The following ASIC2 variants were observed in gnomAD, a reference collection of about 807,000 sequenced individuals.
ASIC2 encodes acid-sensing ion channel 2.
A neutral mutation model predicts 57.3 loss-of-function variants in ASIC2; 25 were observed. The ratio of observed to expected loss-of-function variants is 0.44; its 90% CI spans 0.32 to 0.61. ASIC2 has a LOEUF of 0.61. Ranked by LOEUF, ASIC2 falls within the 20% of genes least tolerant of loss-of-function variation. The pLI is 0.06. For missense variants in ASIC2, 641 were observed against 738.1 expected (o/e 0.87, Z 1.52); for synonymous variants, 319 against 307.5 (o/e 1.04, Z -0.39).
intron 1 of ASIC2, among the ~76,000 whole-genome samples, chr17:33,843,270 A>T (rs938751248): frequency 3.3e-5 from 5 of 152,212 alleles, no homozygotes; most frequent in African/African-American, 1.2e-4. Flanking sequence ...TAGGTGGTCA[A>T]TGAACATTGG....
rs1452944757 is a variant in ASIC2 at position 33,872,000 on chromosome 17, CCT to C, written c.555+283976_555+283977del. Among the ~76,000 whole-genome samples the C allele has an allele frequency of 3.3e-5, 5 of 152,108 alleles. No individual in the cohort carries two copies. In the East Asian group the frequency reaches 9.7e-4, roughly 29 times the overall value. On this transcript the variant is annotated intron_variant, in intron 1 of 9. Transcript: ENST00000359872. ...GATGAGCCATGCTGTTCTTGAGATCCCTCTCTCCTCCCACTTGCAGGCTCAGG... is the reference window on the plus strand; with the variant it reads ...GATGAGCCATGCTGTTCTTGAGATCCCTCTCCTCCCACTTGCAGGCTCAGG...
intron 1 of ASIC2, among the ~76,000 whole-genome samples, chr17:33,917,272 T>C (rs1276291723): frequency 2.0e-5 from 3 of 152,178 alleles, no homozygotes; most frequent in Non-Finnish European, 4.4e-5. Flanking sequence ...TTCTTGGGTG[T>C]CCCAACAGGG....
At chr17:33,414,074 G>T (rs1354490) in intron 1 of ASIC2, among the ~76,000 whole-genome samples, 126,002 of 152,156 alleles carry the variant, frequency 0.83, 52,347 homozygotes, top group East Asian at 0.98. Flanking sequence ...CTTAAGTCTT[G>T]TTCCCGCAGC....
chr17:33,740,477 GC>G (rs1307500783), intron 1 of ASIC2, among the ~76,000 whole-genome samples: 1 of 152,170 alleles, frequency 6.6e-6, no homozygotes, highest in Non-Finnish European at 1.5e-5. Context: ...TCTCGTGAGA[GC>G]TCACTATCAT....
intron 1 of ASIC2, among the ~76,000 whole-genome samples, chr17:33,258,879 A>G (rs1209657560): frequency 1.3e-5 from 2 of 152,222 alleles, no homozygotes; most frequent in Non-Finnish European, 2.9e-5. Flanking sequence ...ATTGCTATGA[A>G]CATGCACAGT....
chr17:33,765,903 A>G (rs1168597066), intron 1 of ASIC2, among the ~76,000 whole-genome samples: 2 of 152,174 alleles, frequency 1.3e-5, no homozygotes, highest in Non-Finnish European at 2.9e-5. Context: ...TTCCCCATGC[A>G]GTATCTTATG....
intron 1 of ASIC2, among the ~76,000 whole-genome samples, chr17:33,653,132 G>T (rs749234895): frequency 6.6e-6 from 1 of 152,186 alleles, no homozygotes; most frequent in Admixed American, 6.5e-5. Context: ...AGCTTTATTC[G>T]AATGGCTGGA....
At position 33,013,998 on chromosome 17, in the gene ASIC2, C is replaced by G; in HGVS notation, c.1659G>C (p.Thr553=). ...ISHTVNVPLQ[T]TLGTLEEIAC ...CAATCTCCTCCAAGGTCCCCAGGGT[C>G]GTCTGCAGGGGCACGTTCACAGTGT... Residue 553 remains threonine (T), a synonymous_variant, in exon 10 of 10, where the codon ACG becomes ACC. Transcript: ENST00000225823. 1 of 1,602,486 alleles carries G rather than the reference C, an allele frequency of 6.2e-7. No homozygotes were observed. Among genetic ancestry groups the G allele is most frequent in the East Asian group, 2.3e-5 (1 of 44,384 alleles).
At chr17:34,142,859 G>A (rs769217803) in intron 1 of ASIC2, 1 of 152,164 alleles carries the variant, frequency 6.6e-6, no homozygotes, top group South Asian at 2.1e-4. Context: ...TGCACACCTG[G>A]ATAGGGATAC....
At chr17:33,234,862 C>G (rs1908233643) in intron 1 of ASIC2, among the ~76,000 whole-genome samples, 1 of 152,214 alleles carries the variant, frequency 6.6e-6, no homozygotes. Context: ...GTTAGGATTT[C>G]AACATATACA....
chr17:33,220,819 G>A (rs1177136915), intron 1 of ASIC2, among the ~76,000 whole-genome samples: 1 of 152,136 alleles, frequency 6.6e-6, no homozygotes, highest in Non-Finnish European at 1.5e-5. Flanking sequence ...TGTAATCCCA[G>A]TACTTTGGGG....
At chr17:33,391,066 T>C (rs2141952598) in intron 1 of ASIC2, among the ~76,000 whole-genome samples, 1 of 152,298 alleles carries the variant, frequency 6.6e-6, no homozygotes, top group Non-Finnish European at 1.5e-5. Flanking sequence ...TAACAAGTCT[T>C]CCTTAATCTT....
At chr17:33,244,050 A>G (rs933544865) in intron 1 of ASIC2, among the ~76,000 whole-genome samples, 1 of 152,226 alleles carries the variant, frequency 6.6e-6, no homozygotes, top group Non-Finnish European at 1.5e-5. Context: ...TGAGATAGCA[A>G]CAAATGCACA....
At chr17:34,128,231 C>A (rs1911845603) in intron 1 of ASIC2, among the ~76,000 whole-genome samples, 1 of 152,108 alleles carries the variant, frequency 6.6e-6, no homozygotes, top group South Asian at 2.1e-4. Context: ...TAAAGGGAGG[C>A]AAAGTAGTCT....
At chr17:33,645,858 T>G (rs1906722941) in intron 1 of ASIC2, among the ~76,000 whole-genome samples, 1 of 152,158 alleles carries the variant, frequency 6.6e-6, no homozygotes, top group Admixed American at 6.5e-5. Flanking sequence ...TTGGGCAATT[T>G]TATAGTGTGT....
chr17:33,237,359 T>C (rs2142115232), intron 1 of ASIC2, among the ~76,000 whole-genome samples: 1 of 152,048 alleles, frequency 6.6e-6, no homozygotes, highest in South Asian at 2.1e-4. Context: ...GTAGTTTTTT[T>C]TTTTTTTTAA....
intron 1 of ASIC2, among the ~76,000 whole-genome samples, chr17:33,609,933 C>T (rs2142014755): frequency 6.6e-6 from 1 of 152,122 alleles, no homozygotes. Context: ...TCTAGCTGGC[C>T]ACAGGCTTCC....
intron 1 of ASIC2, among the ~76,000 whole-genome samples, chr17:33,614,559 A>G (rs1175832443): frequency 2.0e-5 from 3 of 152,270 alleles, no homozygotes; most frequent in Non-Finnish European, 4.4e-5. Flanking sequence ...GCTAGATGGT[A>G]TCATGTCTTG....
At chr17:33,913,123 A>T (rs1343084794) in intron 1 of ASIC2, among the ~76,000 whole-genome samples, 1 of 149,240 alleles carries the variant, frequency 6.7e-6, no homozygotes, top group African/African-American at 2.5e-5. Flanking sequence ...GTTCTCACAG[A>T]TCTCTGAGCT....
Sources: allele counts gnomAD v4.1 joint callset (sites outside exome capture counted in the v4.1 genomes callset), GRCh38; gene constraint gnomAD v4.1.1; transcripts MANE v1.5; gene names NCBI Gene and HGNC (gene_info 2026-07-23, HGNC 2026-07-21).